Variants in DAB1 observed in about 807,000 individuals in gnomAD.
DAB1 encodes the protein DAB adaptor protein 1, also known as disabled homolog 1.
In DAB1, 15 loss-of-function variants were observed where a neutral mutation model predicts 64.6. The ratio of observed to expected loss-of-function variants is 0.23; its 90% confidence interval spans 0.16 to 0.36. The LOEUF (loss-of-function observed/expected upper bound fraction) is 0.36, where lower values mean the gene tolerates loss of function less well. Among genes scored for constraint, DAB1 ranks in the 10% least tolerant of loss-of-function variants. The pLI is 1.00. For missense variants in DAB1, 596 were observed against 706.7 expected (o/e 0.84, Z 1.78); for synonymous variants, 235 against 251.9 (o/e 0.93, Z 0.64).
intron 5 of DAB1, among the ~76,000 whole-genome samples, chr1:58,143,189 C>T (rs1168885844): frequency 6.6e-6 from 1 of 152,104 alleles, no homozygotes; most frequent in African/African-American, 2.4e-5. Flanking sequence ...ACCAAATGTA[C>T]ACACACAGTA....
intron 4 of DAB1, among the ~76,000 whole-genome samples, chr1:58,230,365 C>G (rs1278727341): frequency 6.6e-6 from 1 of 152,190 alleles, no homozygotes; most frequent in Non-Finnish European, 1.5e-5. Context: ...GCCACCCAGG[C>G]AGGAGGTCAT....
chr1:57,119,828 G>A (rs751575898), intron 4 of DAB1, among the ~76,000 whole-genome samples: 16 of 152,160 alleles, frequency 1.1e-4, no homozygotes, highest in South Asian at 1.0e-3. Context: ...TTGGGATTCC[G>A]ACCTTGGGAA....
chr1:58,136,114 A>G (rs975910566), intron 5 of DAB1, among the ~76,000 whole-genome samples: 3 of 152,256 alleles, frequency 2.0e-5, no homozygotes, highest in African/African-American at 7.2e-5. Context: ...AGTAAAACAT[A>G]GCAGTGCCCA....
chr1:57,307,160 G>C (rs1342673106), intron 1 of DAB1: 1 of 152,194 alleles, frequency 6.6e-6, no homozygotes, highest in Non-Finnish European at 1.5e-5. Flanking sequence ...CGACTGTCAT[G>C]GTTTGCCAAA....
intron 14 of DAB1, among the ~76,000 whole-genome samples, chr1:56,998,927 GCTCATTGTGC>G (rs1424568998): frequency 2.6e-5 from 4 of 152,150 alleles, no homozygotes; most frequent in Non-Finnish European, 5.9e-5. Flanking sequence ...TGTTGAGATG[GCTCATTGTGC>G]CTTGGCCAAG....
chr1:57,158,617 T>C (rs1660460622), intron 2 of DAB1, among the ~76,000 whole-genome samples: 2 of 152,168 alleles, frequency 1.3e-5, no homozygotes, highest in Admixed American at 6.5e-5. Flanking sequence ...GATAACTTAT[T>C]TTACTCTAAA....
At chr1:58,507,956 C>T (rs1160137083) in intron 2 of DAB1, among the ~76,000 whole-genome samples, 2 of 152,134 alleles carry the variant, frequency 1.3e-5, no homozygotes, top group African/African-American at 2.4e-5. Flanking sequence ...CACGAATTAT[C>T]TAACATGAAG....
intron 2 of DAB1, among the ~76,000 whole-genome samples, chr1:57,175,060 T>A (rs1224728418): frequency 6.6e-6 from 1 of 152,196 alleles, no homozygotes; most frequent in African/African-American, 2.4e-5. Flanking sequence ...ACATTTTGGT[T>A]ACTTTCCAAG....
intron 4 of DAB1, among the ~76,000 whole-genome samples, chr1:58,294,418 C>T (rs186722039): frequency 1.3e-5 from 2 of 152,038 alleles, no homozygotes; most frequent in Admixed American, 6.6e-5. Flanking sequence ...TTAATTTGAG[C>T]TAAGAAATAT....
chr1:57,107,947 G>T (rs1233244461), intron 4 of DAB1, among the ~76,000 whole-genome samples: 1 of 152,124 alleles, frequency 6.6e-6, no homozygotes, highest in African/African-American at 2.4e-5. Flanking sequence ...TCAACAGAGT[G>T]TGTGGGAGGA....
intron 4 of DAB1, among the ~76,000 whole-genome samples, chr1:58,340,725 C>T (rs1002995787): frequency 6.6e-6 from 1 of 152,144 alleles, no homozygotes; most frequent in Non-Finnish European, 1.5e-5. Flanking sequence ...TGGCCTAAGA[C>T]TTGACATTGG....
chr1:57,912,783 T>C (rs1012330364), intron 5 of DAB1, among the ~76,000 whole-genome samples: 11 of 152,170 alleles, frequency 7.2e-5, no homozygotes, highest in African/African-American at 2.2e-4. Flanking sequence ...ATCACAAGTA[T>C]TCTTATACAC....
intron 5 of DAB1, among the ~76,000 whole-genome samples, chr1:58,123,662 C>T (rs1200854833): frequency 6.6e-6 from 1 of 152,136 alleles, no homozygotes; most frequent in Admixed American, 6.6e-5. Context: ...CCTGGTGTGC[C>T]CTTACTAGCT....
intron 4 of DAB1, among the ~76,000 whole-genome samples, chr1:58,262,969 T>C (rs1022921249): frequency 2.6e-5 from 4 of 152,198 alleles, no homozygotes; most frequent in African/African-American, 9.7e-5. Context: ...AGCCAACCTA[T>C]GATGAATATG....
At chr1:58,198,587 CT>C (rs1657821708) in intron 4 of DAB1, among the ~76,000 whole-genome samples, 1 of 152,196 alleles carries the variant, frequency 6.6e-6, no homozygotes, top group South Asian at 2.1e-4. Flanking sequence ...CGTAACCAAC[CT>C]CTTCTATATT....
At chr1:57,522,878 G>C (rs922377100) in intron 7 of DAB1, among the ~76,000 whole-genome samples, 4 of 152,214 alleles carry the variant, frequency 2.6e-5, no homozygotes, top group African/African-American at 4.8e-5. Flanking sequence ...CTCTGGTGCT[G>C]GAGGTTTCTT....
At position 56,996,712 on chromosome 1, in the gene DAB1, T is replaced by G. The variant is rs1281514732; in HGVS notation, c.*1432A>C. 1 of 152,440 alleles carries G rather than the reference T, an allele frequency of 6.6e-6. No individual in the cohort carries two copies. The highest frequency in any genetic ancestry group is 1.5e-5 in the Non-Finnish European group (1 of 68,062). 9.4% of individuals were successfully genotyped at this position (152,440 alleles called of 1,614,324 possible). Reference sequence around the variant, plus strand: ...GTTCACTAGCTGCTGATTGGCCAACTGCTCCTGCCAGCTGTCCCTGCACTC... The same window carrying G: ...GTTCACTAGCTGCTGATTGGCCAACGGCTCCTGCCAGCTGTCCCTGCACTC... On this transcript the variant is annotated 3_prime_UTR_variant, in exon 15 of 15. Transcript: ENST00000371236.
At chr1:57,164,363 C>T (rs777336968) in intron 2 of DAB1, among the ~76,000 whole-genome samples, 5 of 152,088 alleles carry the variant, frequency 3.3e-5, no homozygotes, top group Non-Finnish European at 7.4e-5. Context: ...TTCATGAGAG[C>T]TGGGACTTGT....
In DAB1 at chr1:57,633,531, G is replaced by A. The variant is rs939608517; in HGVS notation, n.625+16061C>T. Among the ~76,000 whole-genome samples the A allele has an allele frequency of 4.6e-5, 7 of 152,312 alleles. No individual in the cohort carries two copies. In the East Asian group the frequency reaches 1.3e-3, roughly 29 times the overall value. ...TGTTCCTGGAAAGGTGTTTGAATAAGCTTTGTGCTGGGAAGGGAGGGACAG... is the reference window on the plus strand; with the variant it reads ...TGTTCCTGGAAAGGTGTTTGAATAAACTTTGTGCTGGGAAGGGAGGGACAG... On this transcript the variant is annotated intron_variant and non_coding_transcript_variant, in intron 7 of 20. Transcript: ENST00000485760.
Sources: gnomAD v4.1 joint callset for allele counts (sites outside exome capture counted in the v4.1 genomes callset) on GRCh38, gnomAD v4.1.1 for gene constraint, MANE v1.5 for transcripts, NCBI Gene and HGNC (gene_info 2026-07-23, HGNC 2026-07-21) for gene names.